PPP2R5C: variants seen among roughly 807,000 people sequenced by gnomAD.
The protein encoded by PPP2R5C is serine/threonine-protein phosphatase 2A 56 kDa regulatory subunit gamma isoform.
In PPP2R5C, 7 loss-of-function variants were observed where a neutral mutation model predicts 68.9. The ratio of observed to expected loss-of-function variants is 0.10; its 90% CI spans 0.06 to 0.19. The LOEUF (loss-of-function observed/expected upper bound fraction) is 0.19, where lower values mean the gene tolerates loss of function less well. Ranked by LOEUF, PPP2R5C falls within the 10% of genes least tolerant of loss-of-function variation. The pLI is 1.00. For missense variants in PPP2R5C, 348 were observed against 641.3 expected (o/e 0.54, Z 4.94); for synonymous variants, 210 against 222.2 (o/e 0.95, Z 0.49).
chr14:101,784,927 C>T (rs796932597), intron 2 of PPP2R5C, among the ~76,000 whole-genome samples: 24 of 151,878 alleles, frequency 1.6e-4, no homozygotes, highest in African/African-American at 5.8e-4. Context: ...CTGAACTCCA[C>T]GGGCCCCCTT....
At chr14:101,894,952 G>T (rs1428024711) in intron 8 of PPP2R5C, among the ~76,000 whole-genome samples, 1 of 152,130 alleles carries the variant, frequency 6.6e-6, no homozygotes, top group Non-Finnish European at 1.5e-5. Flanking sequence ...AATTATTGTT[G>T]TACTAAAGAG....
chr14:101,794,482 G>A (rs2038517140), intron 3 of PPP2R5C, among the ~76,000 whole-genome samples: 1 of 152,120 alleles, frequency 6.6e-6, no homozygotes, highest in African/African-American at 2.4e-5. Context: ...TGATTCTCCT[G>A]CCTCAGCCTC....
upstream of PPP2R5C, chr14:101,761,751 A>G: frequency 4.2e-6 from 4 of 954,148 alleles, no homozygotes; most frequent in Non-Finnish European, 4.9e-6. Context: ...GGAAAAGGGG[A>G]AGCGAGAGCA....
At chr14:101,820,855 TAATG>T (rs2040010185) in intron 1 of PPP2R5C, 1 of 152,192 alleles carries the variant, frequency 6.6e-6, no homozygotes, top group East Asian at 1.9e-4. Flanking sequence ...ATTGCTAATT[TAATG>T]AATAAGTAAA....
intron 3 of PPP2R5C, among the ~76,000 whole-genome samples, chr14:101,792,148 C>T (rs983121021): frequency 1.3e-5 from 2 of 152,146 alleles, no homozygotes; most frequent in Admixed American, 6.5e-5. Flanking sequence ...TCAGAGGCAA[C>T]GCTTTATAAC....
At position 101,880,044 on chromosome 14, in the gene PPP2R5C, A is replaced by C. The variant is rs979385684; in HGVS notation, c.295-2117A>C. 3.9e-5 allele frequency among the ~76,000 whole-genome samples: 6 copies of C among 152,310 alleles called. No homozygotes were observed. In the South Asian group the frequency reaches 1.2e-3, roughly 32 times the overall value. On this transcript the variant is annotated intron_variant, in intron 2 of 13. Coordinates refer to ENST00000334743, the Ensembl canonical transcript of PPP2R5C. ...TGTCTGCGCCGAGTGCCTGTGGGCCAGCAACTGAGGCAGGGCCGTCCACCT... is the reference window on the plus strand; with the variant it reads ...TGTCTGCGCCGAGTGCCTGTGGGCCCGCAACTGAGGCAGGGCCGTCCACCT...
chr14:101,901,493 T>G (rs1229775032), intron 8 of PPP2R5C, among the ~76,000 whole-genome samples: 1 of 152,202 alleles, frequency 6.6e-6, no homozygotes, highest in Non-Finnish European at 1.5e-5. Context: ...GACCCATCTC[T>G]AAATAAATTG....
At chr14:101,914,069 C>T (rs1456252278) in intron 12 of PPP2R5C, 4 of 434,776 alleles carry the variant, frequency 9.2e-6, no homozygotes, top group South Asian at 3.3e-5. Flanking sequence ...TTCTGAAATA[C>T]GTATTGTTCT....
At chr14:101,871,479 G>A (rs982606877) in intron 2 of PPP2R5C, among the ~76,000 whole-genome samples, 1 of 152,058 alleles carries the variant, frequency 6.6e-6, no homozygotes, top group South Asian at 2.1e-4. Context: ...TCCTGATCTC[G>A]TGATCTGCCC....
At chr14:101,914,045 G>A (rs1310864723) in intron 12 of PPP2R5C, 17 of 409,470 alleles carry the variant, frequency 4.2e-5, no homozygotes, top group Middle Eastern at 8.1e-4. Flanking sequence ...CATACTGTAC[G>A]TAACCAATGT....
intron 1 of PPP2R5C, among the ~76,000 whole-genome samples, chr14:101,839,784 A>C (rs1016714729): frequency 3.3e-5 from 5 of 152,208 alleles, no homozygotes; most frequent in African/African-American, 9.6e-5. Flanking sequence ...AACAGTTGAC[A>C]ATGGCATTAC....
chr14:101,852,449 T>C (rs1392866628), intron 1 of PPP2R5C, among the ~76,000 whole-genome samples: 3 of 151,232 alleles, frequency 2.0e-5, no homozygotes, highest in South Asian at 2.1e-4. Flanking sequence ...TTTTTTTTTC[T>C]TTTTTTTCAT....
At chr14:101,859,023 T>C (rs987820358) in intron 2 of PPP2R5C, among the ~76,000 whole-genome samples, 1 of 152,250 alleles carries the variant, frequency 6.6e-6, no homozygotes, top group Non-Finnish European at 1.5e-5. Flanking sequence ...CTCCTCCTGC[T>C]GTATTAACTT....
chr14:101,799,738 A>G (rs1333514127), intron 3 of PPP2R5C, among the ~76,000 whole-genome samples: 1 of 152,188 alleles, frequency 6.6e-6, no homozygotes, highest in East Asian at 1.9e-4. Context: ...TTGATTTGAG[A>G]CAGGGAGTCA....
chr14:101,885,415 C>T (rs962973477), intron 5 of PPP2R5C, among the ~76,000 whole-genome samples: 4 of 151,160 alleles, frequency 2.6e-5, no homozygotes, highest in Admixed American at 6.6e-5. Flanking sequence ...CATCCCGTGC[C>T]GGCTTGCACA....
chr14:101,815,255 A>G (rs1468613767), intron 1 of PPP2R5C, among the ~76,000 whole-genome samples: 1 of 152,176 alleles, frequency 6.6e-6, no homozygotes, highest in African/African-American at 2.4e-5. Context: ...AGCAAAGCTC[A>G]TGTTCTTTGC....
intron 2 of PPP2R5C, among the ~76,000 whole-genome samples, chr14:101,777,293 T>A (rs1478208934): frequency 6.6e-6 from 1 of 152,146 alleles, no homozygotes; most frequent in Non-Finnish European, 1.5e-5. Flanking sequence ...GAACACTTGT[T>A]TTCAGTTCTT....
At chr14:101,784,801 G>C (rs769744797) in intron 2 of PPP2R5C, among the ~76,000 whole-genome samples, 11 of 152,178 alleles carry the variant, frequency 7.2e-5, no homozygotes, top group Non-Finnish European at 1.5e-4. Context: ...TCATCTTGAC[G>C]GTGGACACAG....
At chr14:101,873,835 C>T (rs1207533520) in intron 2 of PPP2R5C, among the ~76,000 whole-genome samples, 8 of 152,190 alleles carry the variant, frequency 5.3e-5, no homozygotes, top group Admixed American at 3.9e-4. Flanking sequence ...AAGGCAGGAG[C>T]CTGGGGCGGT....
Sources: allele counts gnomAD v4.1 joint callset (sites outside exome capture counted in the v4.1 genomes callset), GRCh38; gene constraint gnomAD v4.1.1; transcripts MANE v1.5; gene names NCBI Gene and HGNC (gene_info 2026-07-23, HGNC 2026-07-21).